Variants in KYAT3 observed in about 807,000 individuals in gnomAD.
KYAT3 encodes the protein kynurenine--oxoglutarate transaminase 3.
KYAT3 carries 50 observed loss-of-function variants against 59.0 expected under a neutral mutation model. That is an observed-to-expected ratio of 0.85 (90% CI 0.68 to 1.07). The LOEUF is 1.07. KYAT3 is among the 50% of genes least tolerant of loss of function. KYAT3 has a pLI of 0.00. For synonymous variants in KYAT3, 148 were observed against 177.0 expected (o/e 0.84, Z 1.30); for missense variants, 497 against 533.3 (o/e 0.93, Z 0.67).
intron 2 of KYAT3, chr1:88,983,499 CA>C (rs1677227886): frequency 6.2e-7 from 1 of 1,613,182 alleles, no homozygotes; most frequent in Non-Finnish European, 8.5e-7. Context: ...CTTCCAGCTC[CA>C]AAACCTCTTG....
At chr1:88,948,808 C>G (rs1014116520) in intron 11 of KYAT3, among the ~76,000 whole-genome samples, 3 of 152,214 alleles carry the variant, frequency 2.0e-5, no homozygotes. Flanking sequence ...ATTTCACACA[C>G]TTGTGTTTTA....
intron 13 of KYAT3, among the ~76,000 whole-genome samples, chr1:88,937,195 G>C (rs987238767): frequency 2.0e-5 from 3 of 152,142 alleles, no homozygotes; most frequent in African/African-American, 7.2e-5. Context: ...TGGTGGCCTG[G>C]TATGGGGTAT....
intron 2 of KYAT3, among the ~76,000 whole-genome samples, chr1:88,977,187 G>T (rs1033697199): frequency 1.3e-4 from 20 of 151,684 alleles, no homozygotes; most frequent in African/African-American, 4.8e-4. Context: ...GCTAAATTTT[G>T]TATTTAAAAA....
intron 2 of KYAT3, among the ~76,000 whole-genome samples, chr1:88,985,863 C>T (rs181339819): frequency 6.6e-6 from 1 of 152,254 alleles, no homozygotes; most frequent in East Asian, 1.9e-4. Flanking sequence ...ACTAAATGTA[C>T]AAAAGGTGAT....
intron 13 of KYAT3, among the ~76,000 whole-genome samples, chr1:88,942,343 A>G (rs1053605419): frequency 2.6e-5 from 4 of 151,722 alleles, no homozygotes; most frequent in South Asian, 4.2e-4. Flanking sequence ...ACATACTTCA[A>G]ATGTTTGCTT....
chr1:88,925,750 TAG>T, the KYAT3 span, among the ~76,000 whole-genome samples: 3 of 136,834 alleles, frequency 2.2e-5, no homozygotes, highest in Non-Finnish European at 3.2e-5. Context: ...ACAGAGGAGA[TAG>T]AGAGAGAGAG....
At chr1:88,952,552 C>CA (rs1276954683) in intron 10 of KYAT3, among the ~76,000 whole-genome samples, 1 of 152,194 alleles carries the variant, frequency 6.6e-6, no homozygotes, top group East Asian at 1.9e-4. Flanking sequence ...CCCTGTGAGA[C>CA]ATGCCTACTC....
At chr1:88,988,973 T>C (rs184326595) in intron 1 of KYAT3, among the ~76,000 whole-genome samples, 12 of 152,268 alleles carry the variant, frequency 7.9e-5, no homozygotes, top group African/African-American at 2.9e-4. Context: ...TACCTGTAAG[T>C]ATAAAATTGA....
At chr1:88,943,182 T>G in intron 12 of KYAT3, 91 bp from the exon 13 acceptor site, 2 of 1,106,170 alleles carry the variant, frequency 1.8e-6, no homozygotes, top group Non-Finnish European at 2.7e-6. Flanking sequence ...AACTAGATAC[T>G]TTTAAATAGT....
intron 4 of KYAT3, among the ~76,000 whole-genome samples, chr1:88,967,702 C>A (rs1217653960): frequency 6.6e-6 from 1 of 151,930 alleles, no homozygotes; most frequent in Non-Finnish European, 1.5e-5. Context: ...TAATATTATC[C>A]TATTATTGCT....
the KYAT3 span, among the ~76,000 whole-genome samples, chr1:88,927,925 T>G: frequency 1.9e-4 from 29 of 152,238 alleles, no homozygotes; most frequent in African/African-American, 5.1e-4. Context: ...GGTATCTCAG[T>G]CAGCTCAATG....
At chr1:88,958,164 AG>A (rs1485964766) in intron 8 of KYAT3, among the ~76,000 whole-genome samples, 2 of 152,178 alleles carry the variant, frequency 1.3e-5, no homozygotes, top group Non-Finnish European at 2.9e-5. Flanking sequence ...AAACTCAGCA[AG>A]TTTAAAGCAT....
At chr1:88,962,558 C>T (rs576973029) in intron 5 of KYAT3, among the ~76,000 whole-genome samples, 1 of 152,276 alleles carries the variant, frequency 6.6e-6, no homozygotes, top group Admixed American at 6.5e-5. Flanking sequence ...TGACAGACAG[C>T]AGGCTATGTG....
intron 11 of KYAT3, among the ~76,000 whole-genome samples, chr1:88,947,671 A>G (rs952147890): frequency 6.6e-6 from 1 of 152,246 alleles, no homozygotes; most frequent in Admixed American, 6.5e-5. Flanking sequence ...TAGAGTTTAC[A>G]GCCACTTTCC....
At chr1:88,971,763 T>A (rs1158540629) in intron 2 of KYAT3, among the ~76,000 whole-genome samples, 1 of 152,186 alleles carries the variant, frequency 6.6e-6, no homozygotes, top group African/African-American at 2.4e-5. Flanking sequence ...CAAGTGCAGT[T>A]CTCAAATTCG....
the KYAT3 span, among the ~76,000 whole-genome samples, chr1:88,927,064 G>C: frequency 6.6e-6 from 1 of 152,160 alleles, no homozygotes; most frequent in South Asian, 2.1e-4. Flanking sequence ...ATCGGTAAGC[G>C]TAACTAATCC....
chr1:88,989,365 T>G (rs900956319), intron 1 of KYAT3, among the ~76,000 whole-genome samples: 1 of 152,182 alleles, frequency 6.6e-6, no homozygotes, highest in Admixed American at 6.5e-5. Flanking sequence ...TAAAGCAGAA[T>G]TCAATCTTAA....
At chr1:88,970,402 T>G (rs183556357) in intron 2 of KYAT3, among the ~76,000 whole-genome samples, 330 of 152,256 alleles carry the variant, frequency 2.2e-3, no homozygotes, top group Non-Finnish European at 3.5e-3. Flanking sequence ...TCACACAACT[T>G]TTCACATCTG....
At chr1:88,922,446 T>C in the KYAT3 span, among the ~76,000 whole-genome samples, 2 of 152,180 alleles carry the variant, frequency 1.3e-5, no homozygotes, top group South Asian at 4.1e-4. Flanking sequence ...TGTTAGGAAC[T>C]GGGCTGCACA....
Sources: allele counts gnomAD v4.1 joint callset (sites outside exome capture counted in the v4.1 genomes callset), GRCh38; gene constraint gnomAD v4.1.1; transcripts MANE v1.5; gene names NCBI Gene and HGNC (gene_info 2026-07-23, HGNC 2026-07-21).